FUS: variants seen among roughly 807,000 people sequenced by gnomAD.
The protein encoded by FUS is RNA-binding protein FUS.
FUS carries 5 observed loss-of-function variants against 82.7 expected under a neutral mutation model. The observed-to-expected ratio is 0.06, with a 90% CI of 0.03 to 0.13. FUS has a LOEUF of 0.13. Ranked by LOEUF, FUS falls within the 10% of genes least tolerant of loss-of-function variation. FUS has a pLI of 1.00. For synonymous variants in FUS, 281 were observed against 247.4 expected (o/e 1.14, Z -1.27); for missense variants, 512 against 707.8 (o/e 0.72, Z 3.14).
rs190724342 is a variant in FUS, at chr16:31,190,053, C to T, written c.1080C>T (p.Ser360=). The T allele has an allele frequency of 4.0e-4, 652 of 1,612,760 alleles. No homozygotes were observed. Among genetic ancestry groups the T allele is most frequent in the Non-Finnish European group, 4.8e-4 (563 of 1,179,302 alleles). Residue 360 remains serine, a synonymous_variant, in exon 11 of 15, where the codon TCC becomes TCT. Coordinates refer to ENST00000254108, the MANE Select transcript of FUS (RefSeq NM_004960.4). ...TTGTTTCTCTAGGTAAAGAATTCTC[C>T]GGAAATCCTATCAAGGTCTCATTTG... The part of the protein sequence containing the change: ...AIDWFDGKEF[S]GNPIKVSFAT...
intron 4 of FUS, 82 bp from the exon 5 acceptor site, chr16:31,184,127 A>T: frequency 6.2e-7 from 1 of 1,613,580 alleles, no homozygotes. Flanking sequence ...TGTTGGGTAC[A>T]GAGAATGGAC....
rs2079219375 is a variant in FUS at position 31,183,909 on chromosome 16, A to G, written c.242A>G (p.Tyr81Cys). 5 of 1,614,056 alleles carry G rather than the reference A, an allele frequency of 3.1e-6. No individual in the cohort carries two copies. The highest frequency in any genetic ancestry group is 4.2e-6 in the Non-Finnish European group (5 of 1,179,958). Residue 81 changes from tyrosine to cysteine, a missense_variant, in exon 4 of 15, where the codon TAT becomes TGT. By Grantham distance (194) the Tyr-to-Cys change is radical. Around this residue, in one of 6 missense-constraint regions of FUS, gnomAD observed 276 missense variants for 303.3 expected, o/e 0.91. Transcript: ENST00000254108. The part of the protein sequence containing the change: ...TPQGYGSTGG[Y>C]GSSQSSQSSY... The stretch of plus-strand genomic sequence containing the variant: ...CAGGGATATGGCTCGACTGGCGGCT[A>G]TGGCAGTAGCCAGAGCTCCCAATCG...
intron 8 of FUS, chr16:31,188,759 A>C: frequency 2.1e-6 from 1 of 467,270 alleles, no homozygotes; most frequent in Non-Finnish European, 3.9e-6. Flanking sequence ...GGTTGTATTG[A>C]TGTTTGTGTA....
chr16:31,193,580 C>T (rs1362643376), downstream of FUS: 5 of 529,804 alleles, frequency 9.4e-6, no homozygotes, highest in Non-Finnish European at 7.3e-6. Flanking sequence ...GTGTCAAGTT[C>T]CTGTGTCCTT....
rs751648764 is a variant in FUS, at chr16:31,183,963, G to A, written c.296G>A (p.Gly99Asp). Residue 99 changes from glycine to aspartate, a missense_variant, in exon 4 of 15, where the codon GGC (glycine) becomes GAC (aspartate). By Grantham distance (94) the Gly-to-Asp change is moderately conservative. Around this residue, in one of 6 missense-constraint regions of FUS, gnomAD observed 276 missense variants for 303.3 expected, o/e 0.91. Coordinates refer to ENST00000254108, the MANE Select transcript of FUS (RefSeq NM_004960.4). ...TACGGGCAGCAGTCCTCCTACCCTG[G>A]CTATGGCCAGCAGCCAGCTCCCAGC... is the stretch of plus-strand genomic sequence containing the variant. Reference protein sequence around the residue: ...SSYGQQSSYPGYGQQPAPSST... With the variant: ...SSYGQQSSYPDYGQQPAPSST... 4 of 1,613,998 alleles carry A rather than the reference G, an allele frequency of 2.5e-6. No individual in the cohort carries two copies. Among genetic ancestry groups the A allele is most frequent in the Non-Finnish European group, 3.4e-6 (4 of 1,179,906 alleles).
rs1187797651 is a variant in FUS, at chr16:31,180,631, C to CCCCCTTCGCGGCGCGGGTA, written c.13+412_13+430dup. Among the ~76,000 whole-genome samples the CCCCCTTCGCGGCGCGGGTA allele has an allele frequency of 4.6e-5, 7 of 152,348 alleles. No individual in the cohort carries two copies. In the East Asian group the frequency reaches 1.4e-3, roughly 30 times the overall value. On this transcript the variant is annotated intron_variant, in intron 1 of 14. Transcript: ENST00000254108. ...GCGCGCACGCGCTCTGCGGGCCCCT[C>CCCCCTTCGCGGCGCGGGTA]CCCCTTCGCGGCGCGGGTACCCCTT...
intron 1 of FUS, among the ~76,000 whole-genome samples, chr16:31,180,861 G>T (rs2058048324): frequency 1.3e-5 from 2 of 152,154 alleles, no homozygotes; most frequent in South Asian, 4.1e-4. Context: ...GCGGTGGTCA[G>T]GGTTCGACCA....
chr16:31,190,222 G>C (rs2079332803), intron 11 of FUS, 53 bp from the exon 12 acceptor site: 1 of 1,614,032 alleles, frequency 6.2e-7, no homozygotes, highest in African/African-American at 1.3e-5. Flanking sequence ...GAATGGGTTA[G>C]ATTTACCAAA....
At chr16:31,186,401 G>A (rs2079270033) in intron 6 of FUS, 1 of 375,558 alleles carries the variant, frequency 2.7e-6, no homozygotes, top group Non-Finnish European at 5.0e-6. Flanking sequence ...ATGTGTTCAA[G>A]GCTACCCCAG....
At chr16:31,194,202 C>G, downstream of FUS, 1 of 530,294 alleles carries the variant, frequency 1.9e-6, no homozygotes, top group Non-Finnish European at 3.6e-6. Context: ...GGTAGATTGA[C>G]CAGGAATTAA....
intron 1 of FUS, among the ~76,000 whole-genome samples, chr16:31,180,944 C>T (rs930925802): frequency 1.7e-4 from 26 of 151,394 alleles, no homozygotes; most frequent in African/African-American, 5.6e-4. Flanking sequence ...ACACGGTCTT[C>T]CTCTGTCGCC....
Position 31,190,862 on chromosome 16 carries a change from T to G in FUS, c.1393+20T>G, listed in dbSNP as rs1406982832. 2 of 1,613,598 alleles carry G rather than the reference T, an allele frequency of 1.2e-6. No homozygotes were observed. Among genetic ancestry groups the G allele is most frequent in the Non-Finnish European group, 1.7e-6 (2 of 1,179,506 alleles). On this transcript the variant is annotated intron_variant, in intron 13 of 14. Transcript: ENST00000254108. ...ACATGGGTAAGAAAGGCAGACCTGG[T>G]GCTAGGGAGCTGGGACCAAAGAATC...
rs1407287396 is a variant in FUS, at chr16:31,188,613, G to C, written c.832+256G>C. The C allele has an allele frequency of 5.2e-6, 3 of 581,798 alleles. No individual in the cohort carries two copies. In the Admixed American group the frequency reaches 9.3e-5, roughly 18 times the overall value. 36.0% of individuals were successfully genotyped at this position (581,798 alleles called of 1,614,324 possible). A position where few individuals can be genotyped will look rare whatever the true frequency, so the allele number is the denominator to read the frequency against. ...AATCTACCTTTCTAACAAGTCCCCAGTGATGCTGATGCGTCTGGACCACAC... is the reference window on the plus strand; with the variant it reads ...AATCTACCTTTCTAACAAGTCCCCACTGATGCTGATGCGTCTGGACCACAC... On this transcript the variant is annotated intron_variant, in intron 8 of 14. Coordinates refer to ENST00000254108, the MANE Select transcript of FUS (RefSeq NM_004960.4).
downstream of FUS, chr16:31,191,728 G>C: frequency 1.5e-6 from 1 of 656,140 alleles, no homozygotes; most frequent in Admixed American, 2.1e-5. Context: ...TCGGGGAGAA[G>C]GCCAAATGAT....
chr16:31,194,380 C>T (rs1450388579), downstream of FUS: 2 of 517,382 alleles, frequency 3.9e-6, no homozygotes, highest in Non-Finnish European at 7.5e-6. Context: ...CCTCTGCCTC[C>T]CACCCGCAAG....
At chr16:31,185,829 A>G (rs930830181) in intron 6 of FUS, 3 of 276,636 alleles carry the variant, frequency 1.1e-5, no homozygotes, top group Non-Finnish European at 2.2e-5. Flanking sequence ...AAAATTCATC[A>G]GCTTGTCCAA....
At chr16:31,189,586 C>T in intron 9 of FUS, 79 bp from the exon 10 acceptor site, 1 of 1,593,406 alleles carries the variant, frequency 6.3e-7, no homozygotes, top group Non-Finnish European at 8.6e-7. Flanking sequence ...AATTATAAAC[C>T]TCATGTTCTA....
At position 31,189,685 on chromosome 16, in the gene FUS, G is replaced by A; in HGVS notation, c.957G>A (p.Gln319=). ...TTCAGACAAACAAGAAAACGGGACA[G>A]CCCATGATTAATTTGTACACAGACA... The part of the protein sequence containing the change: ...GIIKTNKKTG[Q]PMINLYTDRE... Residue 319 remains glutamine, a synonymous_variant, in exon 10 of 15, where the codon CAG becomes CAA. Coordinates refer to ENST00000254108, the MANE Select transcript of FUS (RefSeq NM_004960.4). The A allele has an allele frequency of 6.2e-7, 1 of 1,614,182 alleles. No homozygotes were observed. Among genetic ancestry groups the A allele is most frequent in the Non-Finnish European group, 8.5e-7 (1 of 1,180,026 alleles).
chr16:31,182,738 A>G, intron 3 of FUS, 74 bp downstream of exon 3: 1 of 1,590,756 alleles, frequency 6.3e-7, no homozygotes, highest in South Asian at 1.1e-5. Flanking sequence ...TTTTTTGGAG[A>G]CGGAGTCTGG....
Sources: allele counts gnomAD v4.1 joint callset (sites outside exome capture counted in the v4.1 genomes callset), GRCh38; gene constraint gnomAD v4.1.1; regional missense constraint gnomAD v4.1.1; transcripts MANE v1.5; gene names NCBI Gene and HGNC (gene_info 2026-07-23, HGNC 2026-07-21).